The following DNAH7 variants were observed in gnomAD, a reference collection of about 807,000 sequenced individuals.
DNAH7 encodes the protein axonemal beta dynein heavy chain 7.
In DNAH7, 397 loss-of-function variants were observed where a neutral mutation model predicts 444.6. The ratio of observed to expected loss-of-function variants is 0.89; its 90% CI spans 0.82 to 0.97. DNAH7 has a LOEUF of 0.97. Among genes scored for constraint, DNAH7 ranks in the 50% least tolerant of loss-of-function variants. The pLI is 0.00. For missense variants in DNAH7, 4,902 were observed against 4,800.8 expected (o/e 1.02, Z -0.62); for synonymous variants, 1,636 against 1,624.4 (o/e 1.01, Z -0.17).
intron 12 of DNAH7, among the ~76,000 whole-genome samples, chr2:195,992,823 G>C (rs1265438529): frequency 2.0e-5 from 3 of 152,204 alleles, no homozygotes; most frequent in Non-Finnish European, 2.9e-5. Flanking sequence ...CGCCATTCCT[G>C]AAGAGTAAAG....
intron 1 of DNAH7, chr2:196,068,436 G>A (rs924226798): frequency 3.7e-6 from 2 of 546,912 alleles, no homozygotes; most frequent in East Asian, 6.2e-5. Flanking sequence ...GGTGCTCTGG[G>A]CTGTGGCTCC....
chr2:196,037,555 CA>C (rs1696473932), intron 5 of DNAH7, among the ~76,000 whole-genome samples: 1 of 151,850 alleles, frequency 6.6e-6, no homozygotes, highest in Non-Finnish European at 1.5e-5. Context: ...ATAGATGTCA[CA>C]AAAAAGAACC....
At chr2:195,948,675 T>C (rs1473580347) in intron 19 of DNAH7, among the ~76,000 whole-genome samples, 2 of 152,238 alleles carry the variant, frequency 1.3e-5, no homozygotes, top group Non-Finnish European at 2.9e-5. Context: ...ACCAGCACCA[T>C]GCTGTTTCGG....
chr2:195,902,640 T>G (rs1686779314), intron 27 of DNAH7: 1 of 152,168 alleles, frequency 6.6e-6, no homozygotes, highest in African/African-American at 2.4e-5. Flanking sequence ...TATTCACCTC[T>G]TAGCACTGTT....
rs1363593619 is a variant in DNAH7 at position 195,957,286 on chromosome 2, C to G, written c.3053G>C (p.Arg1018Thr). 4 of 1,589,986 alleles carry G rather than the reference C, an allele frequency of 2.5e-6. No individual in the cohort carries two copies. The highest frequency in any genetic ancestry group is 3.4e-6 in the Non-Finnish European group (4 of 1,163,260). Reference sequence around the variant, plus strand: ...CTGCATGACACTTCTCATTATATCTCTCCATGTCTTATCCACAGCTGTAAA... The same window carrying G: ...CTGCATGACACTTCTCATTATATCTGTCCATGTCTTATCCACAGCTGTAAA... ...RRFTAVDKTW[R>T]DIMRSVMQDK... Residue 1018 changes from arginine (R) to threonine (T), a missense_variant, in exon 19 of 65, where the codon AGA becomes ACA. Coordinates refer to ENST00000312428, the MANE Select transcript of DNAH7 (RefSeq NM_018897.3).
chr2:195,963,208 G>C (rs1022606451), intron 17 of DNAH7, among the ~76,000 whole-genome samples: 1 of 152,154 alleles, frequency 6.6e-6, no homozygotes, highest in East Asian at 1.9e-4. Flanking sequence ...CATAGTAGTT[G>C]TACTAACTTA....
intron 8 of DNAH7, 64 bp downstream of exon 8, chr2:196,024,365 G>T: frequency 2.0e-6 from 2 of 1,001,690 alleles, no homozygotes; most frequent in Non-Finnish European, 2.8e-6. Flanking sequence ...AATATAATTG[G>T]TGATATAAAC....
intron 19 of DNAH7, among the ~76,000 whole-genome samples, chr2:195,942,915 C>T (rs1158944781): frequency 6.6e-6 from 1 of 152,098 alleles, no homozygotes; most frequent in Non-Finnish European, 1.5e-5. Flanking sequence ...TTGTCCCCAC[C>T]CAAATCTCAC....
intron 24 of DNAH7, among the ~76,000 whole-genome samples, chr2:195,921,388 CA>C (rs1190029619): frequency 1.4e-5 from 2 of 144,984 alleles, no homozygotes; most frequent in Admixed American, 6.8e-5. Flanking sequence ...CACACACACA[CA>C]CACACCATGG....
At chr2:195,923,945 T>C in intron 22 of DNAH7, 138 bp from the exon 23 acceptor site, 1 of 866,478 alleles carries the variant, frequency 1.2e-6, no homozygotes, top group Non-Finnish European at 1.8e-6. Flanking sequence ...TTAAAAATAA[T>C]TTGTTTTTCT....
In DNAH7 at chr2:195,872,254, T is replaced by C; in HGVS notation, c.6629A>G (p.His2210Arg). The change falls in exon 40 of 65, where the codon CAT (histidine) becomes CGT (arginine). Residue 2210 changes from histidine (H) to arginine (R), a missense_variant. His to Arg is a conservative substitution (Grantham distance 29). Coordinates refer to ENST00000312428, the MANE Select transcript of DNAH7 (RefSeq NM_018897.3). Reference sequence around the variant, plus strand: ...TTCAATAACAGGAAAATTTACCTCATGAACCCAAAGACGTTTAATCACTTC... The same window carrying C: ...TTCAATAACAGGAAAATTTACCTCACGAACCCAAAGACGTTTAATCACTTC... Reference protein sequence around the residue: ...TTEVIKRLWVHEVLRVYYDRL... With the variant: ...TTEVIKRLWVREVLRVYYDRL... The C allele has an allele frequency of 1.2e-6, 2 of 1,606,578 alleles. No homozygotes were observed. The highest frequency in any genetic ancestry group is 1.1e-5 in the South Asian group (1 of 89,460).
Position 195,900,429 on chromosome 2 carries a change from G to A in DNAH7, c.4401C>T (p.Tyr1467=), listed in dbSNP as rs1686630705. The change falls in exon 28 of 65, where the codon TAC becomes TAT. Residue 1467 remains tyrosine, a synonymous_variant. Transcript: ENST00000312428. ...DYAMIAEIVL[Y]SCGFVTARPL... ...GTCGAGCAGTGACAAACCCACAGGA[G>A]TATAGGACTATTTCAGCAATCATGG... The A allele has an allele frequency of 6.2e-7, 1 of 1,614,006 alleles. No homozygotes were observed. The highest frequency in any genetic ancestry group is 1.1e-5 in the South Asian group (1 of 91,088).
At chr2:196,063,232 A>G (rs1698232938) in intron 1 of DNAH7, 1 of 152,136 alleles carries the variant, frequency 6.6e-6, no homozygotes, top group South Asian at 2.1e-4. Flanking sequence ...GTTTGCTTCT[A>G]TTATCCACTA....
intron 5 of DNAH7, among the ~76,000 whole-genome samples, chr2:196,042,885 C>T (rs1171433803): frequency 1.3e-5 from 2 of 152,044 alleles, no homozygotes; most frequent in Non-Finnish European, 2.9e-5. Flanking sequence ...CACAAGAAGA[C>T]GTGCATGCAA....
chr2:195,923,485 G>T, intron 23 of DNAH7, 110 bp downstream of exon 23: 1 of 1,024,890 alleles, frequency 9.8e-7, no homozygotes, highest in Non-Finnish European at 1.5e-6. Flanking sequence ...TCTGCCATCA[G>T]CAAAAGATCT....
At position 195,806,740 on chromosome 2, in the gene DNAH7, CT is replaced by C. The variant is rs746986787; in HGVS notation, c.10175del (p.Lys3392ArgfsTer10). Reference sequence around the variant, plus strand: ...AGCTGTTTTCAAAGCCCACATTTACCTTGTCTGGCCTCAAGCAACGAATAAT... The same window carrying C: ...AGCTGTTTTCAAAGCCCACATTTACCTGTCTGGCCTCAAGCAACGAATAAT... ...MLIIRCLRPDKVIPMLQEFII... is the reference protein window; with the variant it reads ...MLIIRCLRPDXVIPMLQEFII... On this transcript the variant is annotated frameshift_variant and splice_region_variant, in exon 54 of 65. Coordinates refer to ENST00000312428, the MANE Select transcript of DNAH7 (RefSeq NM_018897.3). LOFTEE classifies it high-confidence loss of function. The C allele has an allele frequency of 6.2e-7, 1 of 1,612,806 alleles. No individual in the cohort carries two copies. Among genetic ancestry groups the C allele is most frequent in the Non-Finnish European group, 8.5e-7 (1 of 1,179,144 alleles).
At position 195,737,767 on chromosome 2, in the gene DNAH7, TAA is replaced by T; in HGVS notation, c.*152_*153del. 6.2e-6 allele frequency: 4 copies of T among 643,348 alleles called. No homozygotes were observed. The highest frequency in any genetic ancestry group is 3.0e-5 in the Admixed American group (1 of 33,666). The allele number at this position is 643,348 out of a possible 1,614,324, so 39.9% of individuals were successfully genotyped here. A position where few individuals can be genotyped will look rare whatever the true frequency, so the allele number is the denominator to read the frequency against. On this transcript the variant is annotated 3_prime_UTR_variant, in exon 65 of 65. Coordinates refer to ENST00000312428, the MANE Select transcript of DNAH7 (RefSeq NM_018897.3). ...CCTTACATTTAAGTATGAGTCATAT[TAA>T]GTTTAGCTGCATTTGCTCATAAGTA...
At chr2:195,978,316 C>T (rs1036550609) in intron 15 of DNAH7, among the ~76,000 whole-genome samples, 1 of 151,942 alleles carries the variant, frequency 6.6e-6, no homozygotes, top group African/African-American at 2.4e-5. Context: ...TTTATGCAAT[C>T]AGTGTTGTCA....
At position 195,897,764 on chromosome 2, in the gene DNAH7, A is replaced by G. The variant is rs1559199584; in HGVS notation, c.4550T>C (p.Leu1517Pro). Residue 1517 changes from leucine (L) to proline (P), a missense_variant and splice_region_variant, in exon 29 of 65, where the codon CTG becomes CCG. Leu to Pro is a moderately conservative substitution (Grantham distance 98, BLOSUM62 -3). Transcript: ENST00000312428. ...SVLTAAGNLK[L>P]KYPNENEEIL... is the part of the protein sequence containing the mutation. ...TTCTTCATTTTCATTTGGATATTTC[A>G]GCTAAAAAAAAAAAAAAAAACTCAT... 3 of 1,476,354 alleles carry G rather than the reference A, an allele frequency of 2.0e-6. No homozygotes were observed. The highest frequency in any genetic ancestry group is 2.5e-5 in the South Asian group (2 of 79,464). 91.5% of individuals were successfully genotyped at this position (1,476,354 alleles called of 1,614,324 possible).
Sources: gnomAD v4.1 joint callset for allele counts (sites outside exome capture counted in the v4.1 genomes callset) on GRCh38, gnomAD v4.1.1 for gene constraint, MANE v1.5 for transcripts, NCBI Gene and HGNC (gene_info 2026-07-23, HGNC 2026-07-21) for gene names.